Variants in CCDC7 observed in about 807,000 individuals in gnomAD.
CCDC7 encodes coiled-coil domain-containing protein 7.
A neutral mutation model predicts 196.9 loss-of-function variants in CCDC7; 183 were observed. The ratio of observed to expected loss-of-function variants is 0.93; its 90% CI spans 0.82 to 1.05. CCDC7 has a LOEUF of 1.05. CCDC7 is among the 50% of genes least tolerant of loss of function. The pLI, the probability that CCDC7 is intolerant of heterozygous loss-of-function variation, is 0.00. For synonymous variants in CCDC7, 525 were observed against 484.6 expected, an observed-to-expected ratio of 1.08 and a Z score of -1.10; for missense variants, 1,540 against 1,482.2, an observed-to-expected ratio of 1.04 and a Z score of -0.64.
intron 29 of CCDC7, among the ~76,000 whole-genome samples, chr10:32,781,805 C>A (rs2081110517): frequency 6.6e-6 from 1 of 152,070 alleles, no homozygotes; most frequent in South Asian, 2.1e-4. Context: ...CTATCTGGAC[C>A]AGTTAGAATA....
Position 32,674,122 on chromosome 10 carries a change from G to GT in CCDC7, c.2122+9970dup, listed in dbSNP as rs750137390. On this transcript the variant is annotated intron_variant, in intron 21 of 41. Coordinates refer to ENST00000639629, the Ensembl canonical transcript of CCDC7. ...TTTTATTTATTTCTGTTCTAATTTT[G>GT]TTTTTTTTTCTGTGAACTTTGGCTT... Among the ~76,000 whole-genome samples, 36 of 150,592 alleles carry GT rather than the reference G, an allele frequency of 2.4e-4. 1 individual carries two copies. The highest frequency in any genetic ancestry group is 1.8e-3 in the East Asian group (9 of 5,086).
upstream of CCDC7, among the ~76,000 whole-genome samples, chr10:32,449,618 C>T (rs1390038429): frequency 6.6e-6 from 1 of 152,062 alleles, no homozygotes; most frequent in Non-Finnish European, 1.5e-5. Context: ...CAGTTCTCAG[C>T]CTGTGTTCCT....
At chr10:32,875,535 A>G (rs1277393963) in intron 41 of CCDC7, among the ~76,000 whole-genome samples, 1 of 151,924 alleles carries the variant, frequency 6.6e-6, no homozygotes, top group Non-Finnish European at 1.5e-5. Context: ...TGGTTACTGT[A>G]GCCTTGTATC....
At chr10:32,663,867 A>C (rs1250000986) in intron 20 of CCDC7, among the ~76,000 whole-genome samples, 187 bp from the exon 22 acceptor site, 2 of 151,946 alleles carry the variant, frequency 1.3e-5, no homozygotes, top group Non-Finnish European at 2.9e-5. Flanking sequence ...TAATGAGACT[A>C]CTTCACCTCA....
chr10:32,839,366 A>C (rs1478490681), intron 33 of CCDC7, among the ~76,000 whole-genome samples: 2 of 151,846 alleles, frequency 1.3e-5, no homozygotes, highest in Admixed American at 1.3e-4. Context: ...CTGTTCTTAC[A>C]TTAGACAAAA....
chr10:32,491,030 C>T (rs1018743961), intron 8 of CCDC7, among the ~76,000 whole-genome samples: 6 of 152,118 alleles, frequency 3.9e-5, no homozygotes, highest in Admixed American at 2.0e-4. Flanking sequence ...ATATATTTTA[C>T]ACATTTCTAC....
At chr10:32,759,273 C>A (rs2077017314) in intron 28 of CCDC7, among the ~76,000 whole-genome samples, 1 of 152,146 alleles carries the variant, frequency 6.6e-6, no homozygotes, top group South Asian at 2.1e-4. Context: ...CAAAAAAGAG[C>A]CCGCATTGCC....
chr10:32,523,757 G>T (rs72795531), intron 11 of CCDC7, among the ~76,000 whole-genome samples: 1 of 151,502 alleles, frequency 6.6e-6, no homozygotes, highest in Non-Finnish European at 1.5e-5. Flanking sequence ...TACAGTTTTT[G>T]TGTTGAAATC....
At chr10:32,677,084 A>G (rs963594747) in intron 21 of CCDC7, among the ~76,000 whole-genome samples, 1 of 151,346 alleles carries the variant, frequency 6.6e-6, no homozygotes, top group Non-Finnish European at 1.5e-5. Flanking sequence ...ATGAAATTGG[A>G]AATCATCATT....
At chr10:32,478,554 T>C (rs1179634538) in intron 8 of CCDC7, among the ~76,000 whole-genome samples, 1 of 152,160 alleles carries the variant, frequency 6.6e-6, no homozygotes, top group Non-Finnish European at 1.5e-5. Context: ...ATACGTTTTC[T>C]GCATTTATTG....
At chr10:32,500,886 AAAT>A (rs2043902977) in intron 9 of CCDC7, among the ~76,000 whole-genome samples, 2 of 152,138 alleles carry the variant, frequency 1.3e-5, no homozygotes, top group South Asian at 4.1e-4. Context: ...CTCCACCAAA[AAAT>A]ACGAAAACCA....
chr10:32,499,815 A>G (rs569971855), intron 9 of CCDC7, among the ~76,000 whole-genome samples: 5 of 151,296 alleles, frequency 3.3e-5, no homozygotes, highest in African/African-American at 1.2e-4. Flanking sequence ...CTTAACGAGT[A>G]TGCTGCCTTC....
intron 39 of CCDC7, 74 bp from the exon 41 acceptor site, chr10:32,851,733 A>G (rs1351179799): frequency 7.2e-7 from 1 of 1,380,042 alleles, no homozygotes. Context: ...GTGTGCATAT[A>G]TACTGTGTGA....
intron 23 of CCDC7, among the ~76,000 whole-genome samples, chr10:32,691,604 A>G (rs1209261465): frequency 6.6e-6 from 1 of 152,210 alleles, no homozygotes; most frequent in East Asian, 1.9e-4. Context: ...GAAACTAGAC[A>G]TCTAAATCTG....
At chr10:32,670,607 G>C (rs1321979399) in intron 21 of CCDC7, among the ~76,000 whole-genome samples, 1 of 135,582 alleles carries the variant, frequency 7.4e-6, no homozygotes, top group Non-Finnish European at 1.5e-5. Context: ...TGTTCTCATT[G>C]TTCAATTCCC....
At chr10:32,517,622 G>A (rs2047221035) in intron 9 of CCDC7, among the ~76,000 whole-genome samples, 1 of 103,894 alleles carries the variant, frequency 9.6e-6, no homozygotes, top group Non-Finnish European at 1.9e-5. Context: ...CTGTTATGGG[G>A]TGGGGGGAGG....
At chr10:32,764,291 A>G (rs1160536450) in intron 28 of CCDC7, among the ~76,000 whole-genome samples, 1 of 151,442 alleles carries the variant, frequency 6.6e-6, no homozygotes, top group African/African-American at 2.4e-5. Context: ...AGTATGGCTC[A>G]TGAGAAGGTG....
intron 28 of CCDC7, among the ~76,000 whole-genome samples, chr10:32,733,760 T>C (rs1292661710): frequency 6.6e-6 from 1 of 152,214 alleles, no homozygotes; most frequent in Non-Finnish European, 1.5e-5. Flanking sequence ...AATTGGTTTA[T>C]ATATTTGGAA....
intron 33 of CCDC7, 116 bp downstream of exon 34, chr10:32,835,014 G>C: frequency 2.0e-6 from 1 of 490,526 alleles, no homozygotes. Context: ...ATATCTTCAT[G>C]AATTTCCTCC....
Sources: gnomAD v4.1 joint callset for allele counts (sites outside exome capture counted in the v4.1 genomes callset) on GRCh38, gnomAD v4.1.1 for gene constraint, MANE v1.5 for transcripts, NCBI Gene and HGNC (gene_info 2026-07-23, HGNC 2026-07-21) for gene names.